The following MAP4K4 variants were observed in gnomAD, a reference collection of about 807,000 sequenced individuals.
The protein encoded by MAP4K4 is HPK/GCK-like kinase HGK.
Under a neutral mutation model 189.6 loss-of-function variants are expected in MAP4K4, and 38 were observed. The observed-to-expected ratio is 0.20, with a 90% CI of 0.15 to 0.26. The LOEUF is 0.26. Ranked by LOEUF, MAP4K4 falls within the 10% of genes least tolerant of loss-of-function variation. The pLI, the probability that MAP4K4 is intolerant of heterozygous loss-of-function variation, is 1.00. For synonymous variants in MAP4K4, 610 were observed against 624.3 expected (o/e 0.98, Z 0.34); for missense variants, 1,054 against 1,726.9 (o/e 0.61, Z 6.91).
At chr2:101,788,808 T>C (rs2092267942) in intron 2 of MAP4K4, among the ~76,000 whole-genome samples, 1 of 152,188 alleles carries the variant, frequency 6.6e-6, no homozygotes, top group Non-Finnish European at 1.5e-5. Flanking sequence ...AGTTCAGGCA[T>C]AGAGGGAAGC....
intron 6 of MAP4K4, among the ~76,000 whole-genome samples, chr2:101,831,070 A>G (rs961267501): frequency 1.3e-5 from 2 of 152,124 alleles, no homozygotes; most frequent in African/African-American, 2.4e-5. Flanking sequence ...GCAGGGAGTG[A>G]TGGGAGGCAT....
intron 3 of MAP4K4, among the ~76,000 whole-genome samples, chr2:101,795,536 C>T (rs145454370): frequency 2.3e-4 from 35 of 152,268 alleles, no homozygotes; most frequent in African/African-American, 7.0e-4. Context: ...GGCCTTTTGA[C>T]GTGCCACTAT....
intron 2 of MAP4K4, among the ~76,000 whole-genome samples, chr2:101,703,791 A>G (rs1297435421): frequency 2.6e-5 from 4 of 151,940 alleles, no homozygotes; most frequent in Non-Finnish European, 4.4e-5. Context: ...AGGCGGGTGG[A>G]TAACAAAGTC....
intron 3 of MAP4K4, among the ~76,000 whole-genome samples, chr2:101,817,746 AGCTCATTG>A (rs2095811465): frequency 6.6e-6 from 1 of 152,228 alleles, no homozygotes; most frequent in Non-Finnish European, 1.5e-5. Context: ...TCCCAGAACT[AGCTCATTG>A]GTTCAGTAGC....
chr2:101,701,343 TG>T (rs1410232157), intron 2 of MAP4K4, among the ~76,000 whole-genome samples: 1 of 152,100 alleles, frequency 6.6e-6, no homozygotes, highest in Non-Finnish European at 1.5e-5. Context: ...CCCTCATTTA[TG>T]GAAGAAAGGG....
intron 17 of MAP4K4, 90 bp from the exon 18 acceptor site, chr2:101,864,840 G>A: frequency 2.4e-6 from 2 of 831,500 alleles, no homozygotes; most frequent in Non-Finnish European, 3.9e-6. Flanking sequence ...TTAAATATTA[G>A]GACTGCTTTA....
chr2:101,808,808 G>GTA (rs199557800), intron 3 of MAP4K4, among the ~76,000 whole-genome samples: 1 of 152,124 alleles, frequency 6.6e-6, no homozygotes, highest in African/African-American at 2.4e-5. Flanking sequence ...TTGTGTGTGT[G>GTA]TGTGTGTGTA....
chr2:101,818,775 C>T (rs1214399954), intron 3 of MAP4K4, among the ~76,000 whole-genome samples: 2 of 152,116 alleles, frequency 1.3e-5, no homozygotes, highest in Non-Finnish European at 2.9e-5. Context: ...ATCTCCTAGT[C>T]AGGTCCTGGC....
At chr2:101,805,969 A>G (rs1056237693) in intron 3 of MAP4K4, among the ~76,000 whole-genome samples, 2 of 152,094 alleles carry the variant, frequency 1.3e-5, no homozygotes, top group African/African-American at 4.8e-5. Context: ...CTCCCTTAAG[A>G]TGGTGTAGGT....
chr2:101,733,145 T>A (rs765588806), intron 2 of MAP4K4, among the ~76,000 whole-genome samples: 1 of 152,222 alleles, frequency 6.6e-6, no homozygotes, highest in Non-Finnish European at 1.5e-5. Flanking sequence ...TCCAGATTGC[T>A]CTGCCCTGGC....
chr2:101,714,571 G>A (rs371688384), intron 2 of MAP4K4, among the ~76,000 whole-genome samples: 1 of 151,916 alleles, frequency 6.6e-6, no homozygotes, highest in South Asian at 2.1e-4. Context: ...TATCTTCCCC[G>A]TTATCAAAAA....
At chr2:101,812,052 T>G (rs2149167392) in intron 3 of MAP4K4, among the ~76,000 whole-genome samples, 1 of 152,334 alleles carries the variant, frequency 6.6e-6, no homozygotes, top group East Asian at 1.9e-4. Flanking sequence ...TGAGAGACTT[T>G]GTATGTGTTT....
chr2:101,786,881 T>C (rs2091464715), intron 2 of MAP4K4, among the ~76,000 whole-genome samples: 1 of 152,236 alleles, frequency 6.6e-6, no homozygotes, highest in Non-Finnish European at 1.5e-5. Flanking sequence ...AATTGTCTTA[T>C]AAACACATTA....
chr2:101,735,206 A>G (rs1239902510), intron 2 of MAP4K4, among the ~76,000 whole-genome samples: 1 of 152,176 alleles, frequency 6.6e-6, no homozygotes, highest in Non-Finnish European at 1.5e-5. Flanking sequence ...TTTAGGCCAG[A>G]AAAGCAGGAA....
At chr2:101,729,682 C>A (rs1357402545) in intron 2 of MAP4K4, among the ~76,000 whole-genome samples, 2 of 152,146 alleles carry the variant, frequency 1.3e-5, no homozygotes, top group Non-Finnish European at 2.9e-5. Flanking sequence ...TGGCTCAGGG[C>A]CTCACTATGT....
intron 2 of MAP4K4, among the ~76,000 whole-genome samples, chr2:101,781,163 G>A (rs988219061): frequency 6.6e-6 from 1 of 152,090 alleles, no homozygotes; most frequent in African/African-American, 2.4e-5. Context: ...GGACCCTTTA[G>A]TTGATGATTT....
intron 2 of MAP4K4, among the ~76,000 whole-genome samples, chr2:101,766,390 C>T (rs564086297): frequency 6.6e-6 from 1 of 152,168 alleles, no homozygotes; most frequent in South Asian, 2.1e-4. Context: ...TTATGATAAG[C>T]GTTATCATAA....
chr2:101,720,867 T>G (rs2051469502), intron 2 of MAP4K4, among the ~76,000 whole-genome samples: 1 of 152,254 alleles, frequency 6.6e-6, no homozygotes, highest in African/African-American at 2.4e-5. Flanking sequence ...GGTTTAGGCA[T>G]AGTTGATCAC....
chr2:101,776,768 AAG>A (rs1436067448), intron 2 of MAP4K4, among the ~76,000 whole-genome samples: 2 of 152,096 alleles, frequency 1.3e-5, no homozygotes, highest in Non-Finnish European at 1.5e-5. Flanking sequence ...GTGCAACCGT[AAG>A]AGGACACACA....
Sources: gnomAD v4.1 joint callset for allele counts (sites outside exome capture counted in the v4.1 genomes callset) on GRCh38, gnomAD v4.1.1 for gene constraint, MANE v1.5 for transcripts, NCBI Gene and HGNC (gene_info 2026-07-23, HGNC 2026-07-21) for gene names.